CEP128: variants seen among roughly 807,000 people sequenced by gnomAD.
CEP128 encodes centrosomal protein 128.
Under a neutral mutation model 156.7 loss-of-function variants are expected in CEP128, and 132 were observed. The observed-to-expected ratio is 0.84, with a 90% CI of 0.73 to 0.97. The LOEUF is 0.97. CEP128 is among the 50% of genes least tolerant of loss of function. The pLI, the probability that CEP128 is intolerant of heterozygous loss-of-function variation, is 0.00. For synonymous variants in CEP128, 469 were observed against 448.9 expected (o/e 1.04, Z -0.57); for missense variants, 1,252 against 1,281.9 (o/e 0.98, Z 0.36).
chr14:80,752,135 G>T (rs915333838), intron 18 of CEP128, among the ~76,000 whole-genome samples: 2 of 152,066 alleles, frequency 1.3e-5, no homozygotes, highest in Non-Finnish European at 2.9e-5. Context: ...TAAATAAAAA[G>T]ATTATAGCTT....
At chr14:80,644,905 C>T (rs1894572405) in intron 19 of CEP128, among the ~76,000 whole-genome samples, 1 of 152,096 alleles carries the variant, frequency 6.6e-6, no homozygotes. Flanking sequence ...TACTAATTTG[C>T]ATTTTCTAGG....
chr14:80,739,855 G>C lies in CEP128; in HGVS notation c.2806+3220C>G, dbSNP rs1898717453. On this transcript the variant is annotated intron_variant, in intron 19 of 24. Coordinates refer to ENST00000555265, the MANE Select transcript of CEP128 (RefSeq NM_152446.5). ...AATACATAACTGAAATATTAGAAAA[G>C]ACAAATACTGTTACCTAATTCCAGA... Among the ~76,000 whole-genome samples, 3 of 152,160 alleles carry C rather than the reference G, an allele frequency of 2.0e-5. No homozygotes were observed. In the South Asian group the frequency reaches 6.2e-4, roughly 32 times the overall value.
intron 8 of CEP128, 24 bp downstream of exon 8, chr14:80,895,694 T>C (rs186980546): frequency 4.0e-6 from 6 of 1,503,354 alleles, no homozygotes; most frequent in East Asian, 2.4e-5. Context: ...GAAATAAAAC[T>C]TTTTATTAAA....
At chr14:80,598,471 GA>G (rs1273595411) in intron 19 of CEP128, among the ~76,000 whole-genome samples, 2 of 151,974 alleles carry the variant, frequency 1.3e-5, no homozygotes, top group Non-Finnish European at 2.9e-5. Context: ...GAAATTAAAG[GA>G]GACATAAACA....
intron 11 of CEP128, 24 bp from the exon 12 acceptor site, chr14:80,836,361 C>T (rs765646731): frequency 1.9e-6 from 3 of 1,613,212 alleles, no homozygotes; most frequent in Non-Finnish European, 2.5e-6. Flanking sequence ...AAAAATCAAA[C>T]ATCGGTTTTC....
chr14:80,835,174 T>C (rs1025539585), intron 12 of CEP128, among the ~76,000 whole-genome samples: 2 of 152,160 alleles, frequency 1.3e-5, no homozygotes, highest in African/African-American at 4.8e-5. Flanking sequence ...TTTGCATTGT[T>C]TGGATGGAGC....
In CEP128 at chr14:80,761,573, A is replaced by G. The variant is rs774247120; in HGVS notation, c.2417T>C (p.Met806Thr). The G allele has an allele frequency of 6.2e-7, 1 of 1,611,744 alleles. No homozygotes were observed. Among genetic ancestry groups the G allele is most frequent in the Non-Finnish European group, 8.5e-7 (1 of 1,178,382 alleles). The change falls in exon 17 of 25, where the codon ATG (methionine) becomes ACG (threonine). Residue 806 changes from methionine (M) to threonine (T), a missense_variant. Met to Thr is a moderately conservative substitution (Grantham distance 81). Transcript: ENST00000555265. ...ISIEEEHLRR[M>T]EEARLQLKDQ... Reference sequence around the variant, plus strand: ...CTTGAGCTGCAATCTGGCCTCTTCCATCCTCCTTAAGTGCTCCTCTTCAAT... The same window carrying G: ...CTTGAGCTGCAATCTGGCCTCTTCCGTCCTCCTTAAGTGCTCCTCTTCAAT...
intron 24 of CEP128, among the ~76,000 whole-genome samples, chr14:80,503,682 T>C (rs1170101157): frequency 6.6e-6 from 1 of 152,156 alleles, no homozygotes; most frequent in Non-Finnish European, 1.5e-5. Flanking sequence ...GAGAAAGTTT[T>C]CCATTGCTAA....
In CEP128 at chr14:80,792,848, C is replaced by T. The variant is rs375266825; in HGVS notation, c.1472G>A (p.Arg491Lys). 4.3e-6 allele frequency: 7 copies of T among 1,614,080 alleles called. No homozygotes were observed. The African/African-American group carries it at 9.3e-5, about 22-fold the overall frequency. The stretch of plus-strand genomic sequence containing the variant: ...CTTCTTATGCTTAAGCTTCCACTGC[C>T]TAATGGATTCTTGAGCTTTCAGTTT... ...DLKLKAQESI[R>K]QWKLKHKKLE... The change falls in exon 14 of 25, where the codon AGG (arginine) becomes AAG (lysine). Residue 491 changes from arginine to lysine, a missense_variant. Physicochemically the swap from Arg to Lys is conservative, Grantham distance 26 (BLOSUM62 2). Transcript: ENST00000555265.
chr14:80,637,001 G>T (rs1020029712), intron 19 of CEP128, among the ~76,000 whole-genome samples: 1 of 151,686 alleles, frequency 6.6e-6, no homozygotes, highest in Non-Finnish European at 1.5e-5. Flanking sequence ...CAGGAGAATC[G>T]CTTGAACCCA....
At chr14:80,594,605 G>T (rs1595061476) in intron 19 of CEP128, among the ~76,000 whole-genome samples, 2 of 151,912 alleles carry the variant, frequency 1.3e-5, no homozygotes, top group East Asian at 3.9e-4. Flanking sequence ...AATCTACAAG[G>T]AACTTAAACA....
chr14:80,545,011 G>T (rs1889922727), intron 21 of CEP128, among the ~76,000 whole-genome samples: 1 of 152,096 alleles, frequency 6.6e-6, no homozygotes, highest in African/African-American at 2.4e-5. Flanking sequence ...GGGTTCAGTT[G>T]ACCCTGATAG....
chr14:80,570,385 G>A (rs1416580051), intron 20 of CEP128, among the ~76,000 whole-genome samples: 1 of 152,084 alleles, frequency 6.6e-6, no homozygotes, highest in East Asian at 1.9e-4. Context: ...CAAAGTGCTG[G>A]GATTACAGGC....
At chr14:80,740,874 T>A (rs761455250) in intron 19 of CEP128, among the ~76,000 whole-genome samples, 6 of 152,152 alleles carry the variant, frequency 3.9e-5, no homozygotes, top group Non-Finnish European at 7.4e-5. Flanking sequence ...GGAATGACTA[T>A]TTTCTATGCA....
chr14:80,729,063 GT>G (rs1482985635), intron 19 of CEP128, among the ~76,000 whole-genome samples: 1 of 31,754 alleles, frequency 3.1e-5, no homozygotes, highest in African/African-American at 1.1e-4. Flanking sequence ...GTGGGGGTGT[GT>G]GTGTGTGTGT....
chr14:80,796,447 G>T (rs1432436232), intron 13 of CEP128, among the ~76,000 whole-genome samples: 1 of 150,492 alleles, frequency 6.6e-6, no homozygotes, highest in Non-Finnish European at 1.5e-5. Flanking sequence ...GCCACACAGC[G>T]AGATTCAGTC....
At chr14:80,602,344 C>CA (rs1263609561) in intron 19 of CEP128, among the ~76,000 whole-genome samples, 3 of 152,154 alleles carry the variant, frequency 2.0e-5, no homozygotes, top group Non-Finnish European at 2.9e-5. Context: ...AAGGCCTGAA[C>CA]AACAGTCTAA....
intron 13 of CEP128, chr14:80,822,762 C>A: frequency 1.3e-6 from 1 of 774,656 alleles, no homozygotes; most frequent in Non-Finnish European, 2.4e-6. Context: ...ACAGACCAGG[C>A]ACATAAAACT....
At chr14:80,675,096 A>G (rs1427005367) in intron 19 of CEP128, among the ~76,000 whole-genome samples, 1 of 152,092 alleles carries the variant, frequency 6.6e-6, no homozygotes, top group East Asian at 1.9e-4. Context: ...ATTCCCACAC[A>G]TGAACCTTTT....
Sources: allele counts gnomAD v4.1 joint callset (sites outside exome capture counted in the v4.1 genomes callset), GRCh38; gene constraint gnomAD v4.1.1; transcripts MANE v1.5; gene names NCBI Gene and HGNC (gene_info 2026-07-23, HGNC 2026-07-21).